The following CFDP1 variants were observed in gnomAD, a reference collection of about 807,000 sequenced individuals.
CFDP1 encodes heterochromatin-stabilizing protein CFDP1.
CFDP1 carries 31 observed loss-of-function variants against 40.1 expected under a neutral mutation model. The ratio of observed to expected loss-of-function variants is 0.77; its 90% CI spans 0.58 to 1.04. CFDP1 has a LOEUF of 1.04. Among genes scored for constraint, CFDP1 ranks in the 50% least tolerant of loss-of-function variants. The pLI, the probability that CFDP1 is intolerant of heterozygous loss-of-function variation, is 0.00. For missense variants in CFDP1, 423 were observed against 343.4 expected (o/e 1.23, Z -1.83); for synonymous variants, 167 against 120.0 (o/e 1.39, Z -2.56).
chr16:75,363,542 C>G (rs1428111761), intron 5 of CFDP1, among the ~76,000 whole-genome samples: 3 of 151,928 alleles, frequency 2.0e-5, no homozygotes, highest in Non-Finnish European at 4.4e-5. Context: ...ATTATAGGTG[C>G]CCGCCATCAC....
intron 6 of CFDP1, among the ~76,000 whole-genome samples, chr16:75,302,291 C>T (rs969399299): frequency 7.2e-5 from 11 of 152,098 alleles, no homozygotes; most frequent in African/African-American, 2.2e-4. Flanking sequence ...GCCAGGGTCT[C>T]ACTCTTTCAC....
chr16:75,391,007 C>T (rs1387918192), intron 5 of CFDP1, among the ~76,000 whole-genome samples: 2 of 152,216 alleles, frequency 1.3e-5, no homozygotes, highest in Admixed American at 1.3e-4. Context: ...CAGCAGATTT[C>T]TTATTCTAAA....
chr16:75,385,841 T>G (rs528601159), intron 5 of CFDP1, among the ~76,000 whole-genome samples: 2 of 152,346 alleles, frequency 1.3e-5, no homozygotes, highest in African/African-American at 4.8e-5. Context: ...TCTTCTTAAA[T>G]GAAGGTCTTC....
At chr16:75,377,150 G>A (rs562651486) in intron 5 of CFDP1, among the ~76,000 whole-genome samples, 1 of 152,340 alleles carries the variant, frequency 6.6e-6, no homozygotes, top group South Asian at 2.1e-4. Flanking sequence ...CCCTGTATCA[G>A]TTATATGGAT....
At chr16:75,420,566 AC>A (rs775098423) in intron 1 of CFDP1, among the ~76,000 whole-genome samples, 3 of 152,230 alleles carry the variant, frequency 2.0e-5, no homozygotes, top group African/African-American at 4.8e-5. Flanking sequence ...GGATGGAACA[AC>A]TGGATAATAT....
chr16:75,327,951 A>G (rs1348101821), intron 5 of CFDP1, among the ~76,000 whole-genome samples: 1 of 152,044 alleles, frequency 6.6e-6, no homozygotes, highest in Non-Finnish European at 1.5e-5. Flanking sequence ...GCTGGTCTCG[A>G]ACTCCTGACC....
intron 4 of CFDP1, among the ~76,000 whole-genome samples, chr16:75,410,483 T>C (rs531304273): frequency 7.2e-5 from 11 of 151,900 alleles, no homozygotes; most frequent in African/African-American, 2.2e-4. Flanking sequence ...GCTAAGAAAA[T>C]AATATTGAGG....
At chr16:75,336,374 C>T (rs2078487776) in intron 5 of CFDP1, among the ~76,000 whole-genome samples, 1 of 152,148 alleles carries the variant, frequency 6.6e-6, no homozygotes, top group South Asian at 2.1e-4. Context: ...TGAGAAGGGA[C>T]AGTTGAGAGC....
chr16:75,370,999 C>CT lies in CFDP1; in HGVS notation c.650+24090dup, dbSNP rs2078747394. On this transcript the variant is annotated intron_variant, in intron 5 of 6. Coordinates refer to ENST00000283882, the MANE Select transcript of CFDP1 (RefSeq NM_006324.3). ...AGTTTATTCATTTATCAAATATGCCCTATATGAGCATATACTGTGCCAAGT... is the reference window on the plus strand; with the variant it reads ...AGTTTATTCATTTATCAAATATGCCCTTATATGAGCATATACTGTGCCAAGT... 2.0e-5 allele frequency among the ~76,000 whole-genome samples: 3 copies of CT among 152,158 alleles called. No homozygotes were observed. The South Asian group carries it at 6.2e-4, about 32-fold the overall frequency.
chr16:75,352,007 C>CAAAAAAAAAAAA (rs3975153), intron 5 of CFDP1, among the ~76,000 whole-genome samples: 2 of 86,788 alleles, frequency 2.3e-5, no homozygotes, highest in Non-Finnish European at 4.2e-5. Context: ...GACTCTGTCT[C>CAAAAAAAAAAAA]AAAAAAAAAA....
At chr16:75,364,152 C>CA (rs199990871) in intron 5 of CFDP1, among the ~76,000 whole-genome samples, 25 of 109,222 alleles carry the variant, frequency 2.3e-4, no homozygotes, top group African/African-American at 4.8e-4. Context: ...AACAAACAAA[C>CA]AAAAAAAACT....
At chr16:75,407,281 A>C (rs892848440) in intron 4 of CFDP1, among the ~76,000 whole-genome samples, 7 of 152,196 alleles carry the variant, frequency 4.6e-5, no homozygotes, top group South Asian at 4.1e-4. Flanking sequence ...GTAGCAAATA[A>C]ATTATAAGGG....
At chr16:75,370,465 G>GTAATAATGGTAA (rs2078743876) in intron 5 of CFDP1, among the ~76,000 whole-genome samples, 1 of 152,174 alleles carries the variant, frequency 6.6e-6, no homozygotes, top group African/African-American at 2.4e-5. Context: ...TAAATGATGA[G>GTAATAATGGTAA]TTGATGGGTG....
At chr16:75,426,472 A>G (rs1363961344) in intron 1 of CFDP1, among the ~76,000 whole-genome samples, 5 of 152,138 alleles carry the variant, frequency 3.3e-5, no homozygotes, top group Admixed American at 6.6e-5. Flanking sequence ...AGCACAACCC[A>G]TAATAGAAAA....
intron 5 of CFDP1, among the ~76,000 whole-genome samples, chr16:75,314,124 A>G (rs778799742): frequency 3.3e-5 from 5 of 152,104 alleles, no homozygotes; most frequent in African/African-American, 4.8e-5. Flanking sequence ...ACCTCAGGTG[A>G]TCCTCCCGCC....
chr16:75,398,054 T>G (rs1288380477), intron 4 of CFDP1, among the ~76,000 whole-genome samples: 1 of 152,186 alleles, frequency 6.6e-6, no homozygotes, highest in Admixed American at 6.5e-5. Flanking sequence ...GCTGTAGACC[T>G]GAACCCAACA....
At chr16:75,345,038 C>T (rs565736565) in intron 5 of CFDP1, among the ~76,000 whole-genome samples, 1 of 152,236 alleles carries the variant, frequency 6.6e-6, no homozygotes, top group South Asian at 2.1e-4. Context: ...GGGAAGATCA[C>T]TTAAGCCCAA....
At position 75,298,337 on chromosome 16, in the gene CFDP1, A is replaced by G. The variant is rs1481272363; in HGVS notation, c.810-4295T>C. Among the ~76,000 whole-genome samples the G allele has an allele frequency of 5.3e-5, 8 of 152,184 alleles. No individual in the cohort carries two copies. The East Asian group carries it at 9.6e-4, about 18-fold the overall frequency. Reference sequence around the variant, plus strand: ...GGGCCTTTGAGGGTGGTAAGGCCCAATGGAGTGCTGACCCGACGTAGTCAC... The same window carrying G: ...GGGCCTTTGAGGGTGGTAAGGCCCAGTGGAGTGCTGACCCGACGTAGTCAC... On this transcript the variant is annotated intron_variant, in intron 6 of 6. Coordinates refer to ENST00000283882, the MANE Select transcript of CFDP1 (RefSeq NM_006324.3).
chr16:75,419,866 C>A (rs1394102998), intron 1 of CFDP1, among the ~76,000 whole-genome samples: 1 of 152,116 alleles, frequency 6.6e-6, no homozygotes, highest in African/African-American at 2.4e-5. Flanking sequence ...GGGCAACCAG[C>A]AGCCCTTGGG....
Sources: allele counts gnomAD v4.1 joint callset (sites outside exome capture counted in the v4.1 genomes callset), GRCh38; gene constraint gnomAD v4.1.1; transcripts MANE v1.5; gene names NCBI Gene and HGNC (gene_info 2026-07-23, HGNC 2026-07-21).